Variants in CDH13 observed in about 807,000 individuals in gnomAD.
The protein encoded by CDH13 is cadherin-13.
CDH13 carries 24 observed loss-of-function variants against 63.8 expected under a neutral mutation model. The observed-to-expected ratio is 0.38, with a 90% CI of 0.27 to 0.53. The LOEUF is 0.53. Among genes scored for constraint, CDH13 ranks in the 20% least tolerant of loss-of-function variants. The probability of loss-of-function intolerance (pLI) is 0.85; values close to 1 mark genes in which losing one functional copy is unlikely to be tolerated. For missense variants in CDH13, 1,049 were observed against 903.1 expected (o/e 1.16, Z -2.07); for synonymous variants, 503 against 355.3 (o/e 1.42, Z -4.67).
At chr16:83,488,738 T>G (rs1241477652) in intron 7 of CDH13, among the ~76,000 whole-genome samples, 1 of 152,084 alleles carries the variant, frequency 6.6e-6, no homozygotes, top group Non-Finnish European at 1.5e-5. Flanking sequence ...AATTCTCCTG[T>G]CTCAGCCTCC....
chr16:83,224,155 C>G (rs1158578363), intron 5 of CDH13, among the ~76,000 whole-genome samples: 1 of 152,190 alleles, frequency 6.6e-6, no homozygotes, highest in Non-Finnish European at 1.5e-5. Flanking sequence ...CAGGTTGTTG[C>G]AAATGCCATT....
In CDH13 at chr16:83,265,727, C is replaced by CTTTTTTTTTTTTTTTTT. The variant is rs71272416; in HGVS notation, c.636+48240_636+48256dup. Among the ~76,000 whole-genome samples the CTTTTTTTTTTTTTTTTT allele has an allele frequency of 9.2e-4, 39 of 42,562 alleles. 5 individuals carry two copies. Among genetic ancestry groups the CTTTTTTTTTTTTTTTTT allele is most frequent in the Non-Finnish European group, 1.2e-3 (30 of 24,352 alleles). The allele number at this position is 42,562 out of a possible 152,430, so 27.9% of individuals were successfully genotyped here. On this transcript the variant is annotated intron_variant, in intron 5 of 13. Coordinates refer to ENST00000567109, the MANE Select transcript of CDH13 (RefSeq NM_001257.5). Reference sequence around the variant, plus strand: ...GTTTTCTGTTGCTTCTAAATTTCTGCTTTTTTTTTTTTTTTTTTTTTTTTT... The same window carrying CTTTTTTTTTTTTTTTTT: ...GTTTTCTGTTGCTTCTAAATTTCTGCTTTTTTTTTTTTTTTTTTTTTTTTTTTTTTTTTTTTTTTTTT...
chr16:83,044,748 C>T (rs1464155463), intron 3 of CDH13, among the ~76,000 whole-genome samples: 2 of 152,164 alleles, frequency 1.3e-5, no homozygotes, highest in African/African-American at 4.8e-5. Flanking sequence ...TCTTAGGTCG[C>T]GGTCGTGGAG....
At chr16:83,540,078 T>C (rs2075271621) in intron 7 of CDH13, among the ~76,000 whole-genome samples, 1 of 151,662 alleles carries the variant, frequency 6.6e-6, no homozygotes, top group South Asian at 2.1e-4. Flanking sequence ...TTTTTTTTTT[T>C]TTTTTGAGAT....
chr16:83,462,424 A>T (rs1195009881), intron 6 of CDH13, among the ~76,000 whole-genome samples: 2 of 152,190 alleles, frequency 1.3e-5, no homozygotes, highest in African/African-American at 4.8e-5. Context: ...AGGGTCAGGG[A>T]CAGCTTACTA....
At chr16:82,636,827 G>C (rs374917087) in intron 1 of CDH13, among the ~76,000 whole-genome samples, 3 of 152,114 alleles carry the variant, frequency 2.0e-5, no homozygotes, top group African/African-American at 7.2e-5. Flanking sequence ...AAATACTCCC[G>C]TCATGGGCAA....
Position 83,126,910 on chromosome 16 carries a change from C to T in CDH13, c.483+1409C>T, listed in dbSNP as rs894654087. The stretch of plus-strand genomic sequence containing the variant: ...AGAACATTGCAGAGTATGACAAATG[C>T]TGTGAAAATCAGCAATGGGATGATG... On this transcript the variant is annotated intron_variant, in intron 4 of 13. Transcript: ENST00000567109. Among the ~76,000 whole-genome samples, 10 of 152,036 alleles carry T rather than the reference C, an allele frequency of 6.6e-5. No homozygotes were observed. In the South Asian group the frequency reaches 8.3e-4, roughly 13 times the overall value.
chr16:83,020,624 T>C (rs1915258753), intron 2 of CDH13, among the ~76,000 whole-genome samples: 1 of 152,218 alleles, frequency 6.6e-6, no homozygotes, highest in Admixed American at 6.5e-5. Flanking sequence ...CTTTGAGTTG[T>C]GTATGTAGCT....
intron 2 of CDH13, among the ~76,000 whole-genome samples, chr16:82,952,879 C>G (rs2151325889): frequency 6.6e-6 from 1 of 152,278 alleles, no homozygotes; most frequent in East Asian, 1.9e-4. Context: ...TTCTAATTTA[C>G]TGAAGCCAGC....
At chr16:82,650,020 C>A (rs1910541615) in intron 1 of CDH13, among the ~76,000 whole-genome samples, 2 of 152,176 alleles carry the variant, frequency 1.3e-5, no homozygotes, top group East Asian at 3.9e-4. Flanking sequence ...TCCTGGGCAA[C>A]AACCCAAAGC....
At chr16:82,876,940 C>G (rs760773448) in intron 2 of CDH13, among the ~76,000 whole-genome samples, 2 of 152,166 alleles carry the variant, frequency 1.3e-5, no homozygotes, top group Non-Finnish European at 2.9e-5. Flanking sequence ...GTCATTTAGG[C>G]TCCCCCATTT....
intron 6 of CDH13, among the ~76,000 whole-genome samples, chr16:83,353,772 T>G (rs2091003361): frequency 6.6e-6 from 1 of 152,178 alleles, no homozygotes; most frequent in Non-Finnish European, 1.5e-5. Context: ...CTCATATCAT[T>G]CACATTAGAC....
chr16:83,297,518 T>A (rs985955618), intron 5 of CDH13, among the ~76,000 whole-genome samples: 4 of 152,272 alleles, frequency 2.6e-5, no homozygotes, highest in Non-Finnish European at 4.4e-5. Flanking sequence ...TTATCTCTCA[T>A]GCACCAGAGC....
chr16:83,691,393 C>T (rs1210613636), intron 10 of CDH13, among the ~76,000 whole-genome samples: 1 of 152,082 alleles, frequency 6.6e-6, no homozygotes, highest in Non-Finnish European at 1.5e-5. Context: ...AGACTATGAT[C>T]CCCAAAGAGG....
At chr16:83,396,753 A>AAAT (rs1019492215) in intron 6 of CDH13, 3 of 18,866 alleles carry the variant, frequency 1.6e-4, no homozygotes, top group African/African-American at 6.4e-4. Context: ...GATTCATCAC[A>AAAT]AATGATGATG....
At chr16:83,387,620 C>G (rs1040848911) in intron 6 of CDH13, among the ~76,000 whole-genome samples, 1 of 152,200 alleles carries the variant, frequency 6.6e-6, no homozygotes, top group Non-Finnish European at 1.5e-5. Context: ...ACAAAATTAT[C>G]TTCTTGTGTT....
intron 2 of CDH13, among the ~76,000 whole-genome samples, chr16:82,921,120 A>G (rs2042140595): frequency 6.6e-6 from 1 of 152,132 alleles, no homozygotes; most frequent in Non-Finnish European, 1.5e-5. Flanking sequence ...AATCCTTTTG[A>G]TAAGTTGTAT....
Position 83,121,824 on chromosome 16 carries a change from T to G in CDH13, c.367-3561T>G, listed in dbSNP as rs545152866. The stretch of plus-strand genomic sequence containing the variant: ...AAGCTCTCGATAAATGAATATTGCC[T>G]GATTACTTTTCACAAGGGTGCTATG... On this transcript the variant is annotated intron_variant, in intron 3 of 13. Coordinates refer to ENST00000567109, the MANE Select transcript of CDH13 (RefSeq NM_001257.5). 4.2e-4 allele frequency among the ~76,000 whole-genome samples: 64 copies of G among 152,358 alleles called. 1 individual carries two copies. The highest frequency in any genetic ancestry group is 1.5e-3 in the African/African-American group (63 of 41,584).
chr16:83,169,575 C>G (rs1457420044), intron 4 of CDH13, among the ~76,000 whole-genome samples: 3 of 146,854 alleles, frequency 2.0e-5, no homozygotes, highest in African/African-American at 7.8e-5. Flanking sequence ...TTTTTTGTTT[C>G]TCCATGTCTT....
Sources: gnomAD v4.1 joint callset for allele counts (sites outside exome capture counted in the v4.1 genomes callset) on GRCh38, gnomAD v4.1.1 for gene constraint, MANE v1.5 for transcripts, NCBI Gene and HGNC (gene_info 2026-07-23, HGNC 2026-07-21) for gene names.